SPIDR: variants seen among roughly 807,000 people sequenced by gnomAD.
SPIDR encodes DNA repair-scaffolding protein.
Under a neutral mutation model 104.6 loss-of-function variants are expected in SPIDR, and 93 were observed. The ratio of observed to expected loss-of-function variants is 0.89; its 90% confidence interval spans 0.75 to 1.06. The LOEUF is 1.06. SPIDR is among the 50% of genes least tolerant of loss of function. The pLI, the probability that SPIDR is intolerant of heterozygous loss-of-function variation, is 0.00. For missense variants in SPIDR, 1,154 were observed against 1,111.2 expected, an observed-to-expected ratio of 1.04 and a Z score of -0.55; for synonymous variants, 431 against 416.9, an observed-to-expected ratio of 1.03 and a Z score of -0.41.
chr8:47,363,438 C>A (rs2056532934), intron 5 of SPIDR, among the ~76,000 whole-genome samples: 1 of 149,904 alleles, frequency 6.7e-6, no homozygotes, highest in Admixed American at 6.6e-5. Flanking sequence ...GATCTCCTGA[C>A]CTCTAGATCC....
At position 47,354,865 on chromosome 8, in the gene SPIDR, A is replaced by G. The variant is rs1443518364; in HGVS notation, c.526-41511A>G. Reference sequence around the variant, plus strand: ...GCTGTGTTGCCCAGGCTGCTCTCAAACTCCTGGACTCAAATGATCCTCCTG... The same window carrying G: ...GCTGTGTTGCCCAGGCTGCTCTCAAGCTCCTGGACTCAAATGATCCTCCTG... On this transcript the variant is annotated intron_variant, in intron 5 of 19. Transcript: ENST00000297423. Among the ~76,000 whole-genome samples, 3 of 151,404 alleles carry G rather than the reference A, an allele frequency of 2.0e-5. No homozygotes were observed. In the East Asian group the frequency reaches 5.8e-4, roughly 30 times the overall value.
chr8:47,397,816 G>A (rs1287030035), intron 6 of SPIDR, among the ~76,000 whole-genome samples: 1 of 152,172 alleles, frequency 6.6e-6, no homozygotes, highest in East Asian at 1.9e-4. Flanking sequence ...CAGTCACCTT[G>A]AAAAGATCCA....
At chr8:47,336,692 A>G (rs1330701393) in intron 5 of SPIDR, among the ~76,000 whole-genome samples, 2 of 152,344 alleles carry the variant, frequency 1.3e-5, no homozygotes, top group South Asian at 4.1e-4. Context: ...TCAGATAAAT[A>G]TAAGTTTTAA....
chr8:47,581,540 G>T (rs2059694647), intron 8 of SPIDR, among the ~76,000 whole-genome samples: 2 of 152,044 alleles, frequency 1.3e-5, no homozygotes, highest in African/African-American at 4.8e-5. Context: ...TGTATAAGGC[G>T]CTCCAGCATA....
At chr8:47,608,871 G>A (rs752403350) in intron 10 of SPIDR, among the ~76,000 whole-genome samples, 46 of 152,172 alleles carry the variant, frequency 3.0e-4, no homozygotes, top group Non-Finnish European at 3.1e-4. Flanking sequence ...CTACACGTGC[G>A]TGTGCGCTAC....
intron 5 of SPIDR, among the ~76,000 whole-genome samples, chr8:47,340,025 A>C (rs1037269561): frequency 6.6e-6 from 1 of 152,022 alleles, no homozygotes; most frequent in Non-Finnish European, 1.5e-5. Flanking sequence ...CATAAGTGTA[A>C]ATGTAGTCTT....
At chr8:47,290,716 C>T (rs2039758775) in intron 3 of SPIDR, among the ~76,000 whole-genome samples, 1 of 152,114 alleles carries the variant, frequency 6.6e-6, no homozygotes, top group Admixed American at 6.6e-5. Context: ...TCAAATACCC[C>T]AGAAAGTTAT....
In SPIDR at chr8:47,479,014, G is replaced by A. The variant is rs572722415; in HGVS notation, c.1097+38472G>A. On this transcript the variant is annotated intron_variant, in intron 8 of 19. Transcript: ENST00000297423. ...TTTGTTCTTTGTTTTGGTTAGGAAG[G>A]TATTCATCTCATCCAAAAGTGATAT... is the stretch of plus-strand genomic sequence containing the variant. Among the ~76,000 whole-genome samples, 23 of 152,014 alleles carry A rather than the reference G, an allele frequency of 1.5e-4. No homozygotes were observed. The South Asian group carries it at 1.7e-3, about 11-fold the overall frequency.
Position 47,400,736 on chromosome 8 carries a change from T to C in SPIDR, c.776+4110T>C, listed in dbSNP as rs199799514. Among the ~76,000 whole-genome samples, 7 of 151,214 alleles carry C rather than the reference T, an allele frequency of 4.6e-5. No homozygotes were observed. In the East Asian group the frequency reaches 7.8e-4, roughly 17 times the overall value. On this transcript the variant is annotated intron_variant, in intron 6 of 19. Transcript: ENST00000297423. ...TCAAAGCATAAGTAACAAACACCAA[T>C]GCAAAATTGTTAGATATTTAAGTGT...
At chr8:47,352,790 G>A (rs965532574) in intron 5 of SPIDR, among the ~76,000 whole-genome samples, 5 of 152,104 alleles carry the variant, frequency 3.3e-5, no homozygotes, top group African/African-American at 7.2e-5. Context: ...TCTGCCAGGC[G>A]TGGTGGCTCA....
chr8:47,564,407 C>A (rs946429321), intron 8 of SPIDR, among the ~76,000 whole-genome samples: 11 of 147,998 alleles, frequency 7.4e-5, no homozygotes, highest in Non-Finnish European at 1.5e-4. Context: ...AGGCTGGGTG[C>A]GGTGGCTCAC....
intron 8 of SPIDR, among the ~76,000 whole-genome samples, chr8:47,498,891 A>G (rs2154370113): frequency 6.6e-6 from 1 of 152,314 alleles, no homozygotes; most frequent in Non-Finnish European, 1.5e-5. Context: ...GTGTTTCTTC[A>G]TTTAGCTTTT....
rs374201239 is a variant in SPIDR at position 47,469,225 on chromosome 8, A to G, written c.1097+28683A>G. On this transcript the variant is annotated intron_variant, in intron 8 of 19. Transcript: ENST00000297423. Reference sequence around the variant, plus strand: ...CTGGCAAGGTTGTGGAGAAAAAGGAATGTTTGTACACTGTTGGTGGGAGTA... The same window carrying G: ...CTGGCAAGGTTGTGGAGAAAAAGGAGTGTTTGTACACTGTTGGTGGGAGTA... 2.0e-5 allele frequency among the ~76,000 whole-genome samples: 3 copies of G among 152,204 alleles called. No individual in the cohort carries two copies. The East Asian group carries it at 5.8e-4, about 29-fold the overall frequency.
chr8:47,585,286 C>A (rs1345570434), intron 8 of SPIDR, among the ~76,000 whole-genome samples: 2 of 152,132 alleles, frequency 1.3e-5, no homozygotes, highest in African/African-American at 4.8e-5. Context: ...AAATTAGATA[C>A]TGACCATTGT....
chr8:47,279,077 T>A (rs1341607487), intron 1 of SPIDR, among the ~76,000 whole-genome samples: 1 of 151,128 alleles, frequency 6.6e-6, no homozygotes, highest in East Asian at 1.9e-4. Flanking sequence ...TTTTTTTTTT[T>A]AGAAATGGGG....
intron 12 of SPIDR, among the ~76,000 whole-genome samples, chr8:47,701,376 G>A (rs1370925413): frequency 1.3e-5 from 2 of 152,212 alleles, no homozygotes; most frequent in African/African-American, 2.4e-5. Context: ...ACGTTGTAGT[G>A]AGCCAAGATC....
intron 8 of SPIDR, among the ~76,000 whole-genome samples, chr8:47,585,661 G>A (rs1230978413): frequency 6.6e-6 from 1 of 152,056 alleles, no homozygotes; most frequent in African/African-American, 2.4e-5. Context: ...TTACACTTAT[G>A]GAGGTCGAGG....
intron 15 of SPIDR, 86 bp from the exon 16 acceptor site, chr8:47,713,403 C>T (rs993582511): frequency 2.4e-5 from 38 of 1,577,628 alleles, no homozygotes; most frequent in South Asian, 9.2e-5. Flanking sequence ...CTGCATGACT[C>T]GAGGGGTAGC....
At chr8:47,397,794 C>A (rs1022843720) in intron 6 of SPIDR, among the ~76,000 whole-genome samples, 1 of 152,176 alleles carries the variant, frequency 6.6e-6, no homozygotes, top group African/African-American at 2.4e-5. Context: ...CGATTACTCT[C>A]TTCCGTATTG....
Sources: gnomAD v4.1 joint callset for allele counts (sites outside exome capture counted in the v4.1 genomes callset) on GRCh38, gnomAD v4.1.1 for gene constraint, MANE v1.5 for transcripts, NCBI Gene and HGNC (gene_info 2026-07-23, HGNC 2026-07-21) for gene names.